Variants in SLF1 observed in about 807,000 individuals in gnomAD.
The protein encoded by SLF1 is SMC5/6 complex localization factor 1, also known as SMC5-SMC6 complex localization factor protein 1.
In SLF1, 105 loss-of-function variants were observed where a neutral mutation model predicts 123.0. The observed-to-expected ratio is 0.85, with a 90% CI of 0.73 to 1.00. The LOEUF (loss-of-function observed/expected upper bound fraction) is 1.00. Among genes scored for constraint, SLF1 ranks in the 50% least tolerant of loss-of-function variants. SLF1 has a pLI of 0.00. For missense variants in SLF1, 1,239 were observed against 1,223.0 expected (o/e 1.01, Z -0.20); for synonymous variants, 434 against 406.6 (o/e 1.07, Z -0.81).
At chr5:94,672,283 A>G (rs1206857324) in intron 14 of SLF1, among the ~76,000 whole-genome samples, 1 of 152,162 alleles carries the variant, frequency 6.6e-6, no homozygotes, top group Non-Finnish European at 1.5e-5. Flanking sequence ...TCAAACTACC[A>G]TGAAGTCTAT....
At chr5:94,683,917 G>C (rs894436771) in intron 15 of SLF1, among the ~76,000 whole-genome samples, 1 of 152,150 alleles carries the variant, frequency 6.6e-6, no homozygotes. Flanking sequence ...CCTATATACT[G>C]TAAGGACTAC....
intron 5 of SLF1, among the ~76,000 whole-genome samples, chr5:94,645,602 G>T (rs1746935914): frequency 6.6e-6 from 1 of 152,118 alleles, no homozygotes; most frequent in East Asian, 1.9e-4. Context: ...TGCTTAAAGT[G>T]CAACATATAC....
chr5:94,679,094 TTC>T, intron 15 of SLF1, 139 bp downstream of exon 15: 27 of 900,368 alleles, frequency 3.0e-5, no homozygotes, highest in African/African-American at 5.0e-5. Context: ...CACACATAGA[TTC>T]ACACACACAG....
Position 94,649,444 on chromosome 5 carries a change from ATACATAC to A in SLF1, c.595-9_595-3del. On this transcript the variant is annotated splice_polypyrimidine_tract_variant and splice_region_variant and intron_variant, in intron 5 of 20. Coordinates refer to ENST00000265140, the MANE Select transcript of SLF1 (RefSeq NM_032290.4). ...AGATGATTGCCTAAACCATTTTTAC[ATACATAC>A]AGAAAGAAATTCAGAATGATGAAGA... 1 of 1,484,972 alleles carries A rather than the reference ATACATAC, an allele frequency of 6.7e-7. No individual in the cohort carries two copies. The allele number at this position is 1,484,972 out of a possible 1,614,324, so 92.0% of individuals were successfully genotyped here.
At position 94,670,891 on chromosome 5, in the gene SLF1, A is replaced by C; in HGVS notation, c.1710A>C (p.Ala570=). The change falls in exon 14 of 21, where the codon GCA becomes GCC. Residue 570 remains alanine (A), a synonymous_variant. Transcript: ENST00000265140. ...AGAATCTGAAAATAACAGGAAAGGC[A>C]ATGCTTCTTGAAATTTTTTGGTCAG... ...DSQNLKITGK[A]MLLEIFWSGS... is the part of the protein sequence containing the mutation. 1 of 1,550,238 alleles carries C rather than the reference A, an allele frequency of 6.5e-7. No homozygotes were observed. Among genetic ancestry groups the C allele is most frequent in the South Asian group, 1.2e-5 (1 of 83,972 alleles).
intron 5 of SLF1, among the ~76,000 whole-genome samples, chr5:94,645,015 A>G (rs555503314): frequency 2.2e-4 from 33 of 152,290 alleles, no homozygotes; most frequent in African/African-American, 6.7e-4. Flanking sequence ...AGTAGCAGCA[A>G]TGGATATTGG....
In SLF1 at chr5:94,696,539, A is replaced by G. The variant is rs1753520502; in HGVS notation, c.*1227A>G. 6.6e-6 allele frequency: 1 copy of G among 151,908 alleles called. No individual in the cohort carries two copies. Among genetic ancestry groups the G allele is most frequent in the South Asian group, 2.1e-4 (1 of 4,832 alleles). 9.4% of individuals were successfully genotyped at this position (151,908 alleles called of 1,614,324 possible). A position where few individuals can be genotyped will look rare whatever the true frequency, so the allele number is the denominator to read the frequency against. ...CTCTTTATTATTAATCTGCCAAAGT[A>G]TCAGACAAAAAATGATATAGTGAAG... On this transcript the variant is annotated 3_prime_UTR_variant, in exon 21 of 21. Transcript: ENST00000265140.
chr5:94,651,517 C>G (rs952944759), intron 6 of SLF1, among the ~76,000 whole-genome samples, 185 bp from the exon 7 acceptor site: 2 of 152,106 alleles, frequency 1.3e-5, no homozygotes, highest in Admixed American at 1.3e-4. Flanking sequence ...GCTTTGTGAA[C>G]TGAAAACAAT....
intron 5 of SLF1, among the ~76,000 whole-genome samples, chr5:94,647,086 A>C (rs1036226139): frequency 6.6e-6 from 1 of 152,140 alleles, no homozygotes; most frequent in Non-Finnish European, 1.5e-5. Context: ...CCACTCAATA[A>C]ATTTTAAGGT....
chr5:94,653,653 A>G (rs1244936833), intron 8 of SLF1, among the ~76,000 whole-genome samples: 2 of 152,190 alleles, frequency 1.3e-5, no homozygotes, highest in African/African-American at 4.8e-5. Flanking sequence ...GTTTTGCCTG[A>G]ATGTGATGAA....
rs561476122 is a variant in SLF1 at position 94,655,572 on chromosome 5, T to G, written c.1155+820T>G. On this transcript the variant is annotated intron_variant, in intron 9 of 20. Coordinates refer to ENST00000265140, the MANE Select transcript of SLF1 (RefSeq NM_032290.4). ...GTTATTTTAACCATATTCTTCAAAC[T>G]CATAAACATGGAATGTCTTTCCATT... is the stretch of plus-strand genomic sequence containing the variant. Among the ~76,000 whole-genome samples, 11 of 152,250 alleles carry G rather than the reference T, an allele frequency of 7.2e-5. No individual in the cohort carries two copies. In the East Asian group the frequency reaches 1.7e-3, roughly 24 times the overall value.
Position 94,695,979 on chromosome 5 carries a change from C to T in SLF1, c.*667C>T, listed in dbSNP as rs779931703. 2.0e-5 allele frequency: 3 copies of T among 151,724 alleles called. No individual in the cohort carries two copies. Among genetic ancestry groups the T allele is most frequent in the African/African-American group, 7.3e-5 (3 of 41,358 alleles). 9.4% of individuals were successfully genotyped at this position (151,724 alleles called of 1,614,324 possible). A position where few individuals can be genotyped will look rare whatever the true frequency, so the allele number is the denominator to read the frequency against. Reference sequence around the variant, plus strand: ...CATATACAAAATGTATCTGTCGCTGCCCTATGTAACCCAGTATTCTGTACC... The same window carrying T: ...CATATACAAAATGTATCTGTCGCTGTCCTATGTAACCCAGTATTCTGTACC... On this transcript the variant is annotated 3_prime_UTR_variant, in exon 21 of 21. Transcript: ENST00000265140.
rs966120141 is a variant in SLF1 at position 94,630,654 on chromosome 5, A to G, written c.342A>G (p.Glu114=). The stretch of plus-strand genomic sequence containing the variant: ...CTGCACCTAAAAGATGGCGTGAAGA[A>G]CTGAAACGCACTGGTGCTCCAGGAG... ...MQSAPKRWRE[E]LKRTGAPGAF... The change falls in exon 4 of 21, where the codon GAA becomes GAG. Residue 114 remains glutamate (E), a synonymous_variant. Coordinates refer to ENST00000265140, the MANE Select transcript of SLF1 (RefSeq NM_032290.4). 14 of 1,551,622 alleles carry G rather than the reference A, an allele frequency of 9.0e-6. No individual in the cohort carries two copies. In the Admixed American group the frequency reaches 2.4e-4, roughly 26 times the overall value.
At chr5:94,636,010 G>T (rs1225110602) in intron 4 of SLF1, among the ~76,000 whole-genome samples, 1 of 152,038 alleles carries the variant, frequency 6.6e-6, no homozygotes, top group African/African-American at 2.4e-5. Context: ...GTTTTTGTTT[G>T]GGAAATTTTT....
chr5:94,665,929 T>C lies in SLF1; in HGVS notation c.1437T>C (p.Pro479=). The C allele has an allele frequency of 6.4e-7, 1 of 1,551,058 alleles. No individual in the cohort carries two copies. The highest frequency in any genetic ancestry group is 8.7e-7 in the Non-Finnish European group (1 of 1,146,280). Residue 479 remains proline, a synonymous_variant, in exon 12 of 21, where the codon CCT becomes CCC. Coordinates refer to ENST00000265140, the MANE Select transcript of SLF1 (RefSeq NM_032290.4). ...ILSALLHLHP[P]WKSPAMSRYY... ...CAGCTCTTCTTCACCTGCATCCTCC[T>C]TGGAAGTCTCCAGCCATGTCGAGAT...
At chr5:94,663,515 G>A (rs1243342458) in intron 10 of SLF1, among the ~76,000 whole-genome samples, 1 of 152,186 alleles carries the variant, frequency 6.6e-6, no homozygotes, top group Non-Finnish European at 1.5e-5. Context: ...GTGGTGGCAC[G>A]CATCCATAGG....
chr5:94,684,619 A>G (rs1752185473), intron 15 of SLF1, among the ~76,000 whole-genome samples: 1 of 146,644 alleles, frequency 6.8e-6, no homozygotes, highest in Non-Finnish European at 1.5e-5. Flanking sequence ...AATGGTGTGA[A>G]CCCGGGAGGC....
intron 9 of SLF1, among the ~76,000 whole-genome samples, chr5:94,655,018 A>G (rs916887419): frequency 2.2e-4 from 33 of 152,280 alleles, no homozygotes; most frequent in African/African-American, 7.2e-4. Context: ...GCCTACATCA[A>G]TGCCCCGAAG....
At position 94,695,464 on chromosome 5, in the gene SLF1, ACTT is replaced by A. The variant is rs779538884; in HGVS notation, c.*155_*157del. The A allele has an allele frequency of 9.9e-5, 94 of 951,662 alleles. No individual in the cohort carries two copies. Among genetic ancestry groups the A allele is most frequent in the East Asian group, 4.6e-4 (16 of 35,002 alleles). The allele number at this position is 951,662 out of a possible 1,614,324, so 59.0% of individuals were successfully genotyped here. On this transcript the variant is annotated 3_prime_UTR_variant, in exon 21 of 21. Transcript: ENST00000265140. ...AAATTTTAAAAGCATTTTTAAAAAA[ACTT>A]CTACAAAACTCTAGTATGGGCTTCT...
Sources: allele counts gnomAD v4.1 joint callset (sites outside exome capture counted in the v4.1 genomes callset), GRCh38; gene constraint gnomAD v4.1.1; transcripts MANE v1.5; gene names NCBI Gene and HGNC (gene_info 2026-07-23, HGNC 2026-07-21).